The following DNAAF9 variants were observed in gnomAD, a reference collection of about 807,000 sequenced individuals.
DNAAF9 encodes dynein axonemal assembly factor 9, also known as shulin.
Under a neutral mutation model 167.0 loss-of-function variants are expected in DNAAF9, and 90 were observed. The ratio of observed to expected loss-of-function variants is 0.54; its 90% CI spans 0.45 to 0.64. The LOEUF (loss-of-function observed/expected upper bound fraction) is 0.64, where lower values mean the gene tolerates loss of function less well. DNAAF9 is among the 30% of genes least tolerant of loss of function. The pLI, the probability that DNAAF9 is intolerant of heterozygous loss-of-function variation, is 0.00. For synonymous variants in DNAAF9, 491 were observed against 508.8 expected (o/e 0.96, Z 0.47); for missense variants, 1,315 against 1,442.2 (o/e 0.91, Z 1.43).
rs770198577 is a variant in DNAAF9, at chr20:3,350,121, TCAGACACACAGACACA to T, written c.691-1514_691-1499del. On this transcript the variant is annotated intron_variant, in intron 7 of 36. Coordinates refer to ENST00000252032, the MANE Select transcript of DNAAF9 (RefSeq NM_001009984.3). The stretch of plus-strand genomic sequence containing the variant: ...CATTGTCTACTTGCTGCCCAGACTA[TCAGACACACAGACACA>T]CAGACACACAGACACACAGACACAC... Among the ~76,000 whole-genome samples the T allele has an allele frequency of 9.0e-4, 133 of 147,636 alleles. 2 individuals carry two copies. In the South Asian group the frequency reaches 0.019, roughly 21 times the overall value.
At chr20:3,399,204 C>T (rs1179417364) in intron 1 of DNAAF9, among the ~76,000 whole-genome samples, 1 of 152,108 alleles carries the variant, frequency 6.6e-6, no homozygotes, top group Non-Finnish European at 1.5e-5. Context: ...TATCCATTCT[C>T]TTTTTCTTAT....
chr20:3,311,706 C>T (rs1163414767), intron 20 of DNAAF9, among the ~76,000 whole-genome samples: 2 of 152,206 alleles, frequency 1.3e-5, no homozygotes, highest in Admixed American at 1.3e-4. Context: ...AGCAGGTCTA[C>T]ATTATGATTC....
intron 10 of DNAAF9, among the ~76,000 whole-genome samples, chr20:3,332,900 GGTGTGTGTGT>G (rs3082550): frequency 3.1e-4 from 46 of 146,936 alleles, no homozygotes; most frequent in African/African-American, 1.0e-3. Flanking sequence ...GTGTGCGTGT[GGTGTGTGTGT>G]GTGTGTGTGT....
intron 11 of DNAAF9, among the ~76,000 whole-genome samples, chr20:3,331,858 G>C (rs1477822216): frequency 6.6e-6 from 1 of 152,202 alleles, no homozygotes; most frequent in African/African-American, 2.4e-5. Context: ...ATTTTTAGTA[G>C]AGATGGGGTT....
intron 24 of DNAAF9, 118 bp from the exon 25 acceptor site, chr20:3,294,374 T>A: frequency 1.2e-6 from 1 of 830,968 alleles, no homozygotes; most frequent in Non-Finnish European, 2.0e-6. Flanking sequence ...AGATTCTCTC[T>A]AGAGAATAAA....
At chr20:3,404,318 G>T (rs899507925) in intron 1 of DNAAF9, among the ~76,000 whole-genome samples, 1 of 152,104 alleles carries the variant, frequency 6.6e-6, no homozygotes, top group Non-Finnish European at 1.5e-5. Context: ...TTACAGGCGT[G>T]AGCCACCGTG....
At chr20:3,366,188 A>G (rs1299595168) in intron 6 of DNAAF9, among the ~76,000 whole-genome samples, 1 of 152,182 alleles carries the variant, frequency 6.6e-6, no homozygotes, top group Non-Finnish European at 1.5e-5. Context: ...AGAGGAATCT[A>G]TTGCCTAACA....
rs750579280 is a variant in DNAAF9, at chr20:3,375,085, G to A, written c.450C>T (p.Ser150=). Residue 150 remains serine, a synonymous_variant, in exon 5 of 37, where the codon AGC becomes AGT. Coordinates refer to ENST00000252032, the MANE Select transcript of DNAAF9 (RefSeq NM_001009984.3). ...EEAAEEFKIT[S]FVDMVRDCSR... is the part of the protein sequence containing the mutation. ...TACAGTCTCGAACCATGTCCACAAA[G>A]CTGGTAATTTTAAATTCTTCTGCGG... The A allele has an allele frequency of 7.4e-6, 12 of 1,612,074 alleles. No homozygotes were observed. The highest frequency in any genetic ancestry group is 1.0e-5 in the Non-Finnish European group (12 of 1,178,314).
Position 3,400,243 on chromosome 20 carries a change from C to G in DNAAF9, c.83+7232G>C, listed in dbSNP as rs1197930688. ...TTTGACCATTAAAAACATGCTAAAT[C>G]TAAATGCAATGTGAAATCCTGAGTT... On this transcript the variant is annotated intron_variant, in intron 1 of 36. Coordinates refer to ENST00000252032, the MANE Select transcript of DNAAF9 (RefSeq NM_001009984.3). Among the ~76,000 whole-genome samples, 8 of 152,206 alleles carry G rather than the reference C, an allele frequency of 5.3e-5. No individual in the cohort carries two copies. The South Asian group carries it at 8.3e-4, about 16-fold the overall frequency.
At position 3,315,815 on chromosome 20, in the gene DNAAF9, T is replaced by C. The variant is rs759139312; in HGVS notation, c.1540-30A>G. On this transcript the variant is annotated intron_variant, in intron 18 of 36. Transcript: ENST00000252032. This position sits in a 1 kb window ranked among gnomAD's most constrained non-coding sequence, Gnocchi z 4.1. The stretch of plus-strand genomic sequence containing the variant: ...GTCCAAAAGGAATGCAGATTTTCAG[T>C]CAACTACTTCAAGGGAAAACCCTGC... The C allele has an allele frequency of 6.4e-7, 1 of 1,563,790 alleles. No individual in the cohort carries two copies. The highest frequency in any genetic ancestry group is 8.8e-7 in the Non-Finnish European group (1 of 1,134,048).
chr20:3,293,666 C>CAAA (rs71195830), intron 25 of DNAAF9, among the ~76,000 whole-genome samples: 30 of 85,588 alleles, frequency 3.5e-4, no homozygotes, highest in African/African-American at 1.1e-3. Flanking sequence ...GCCTGGGTGA[C>CAAA]AAAAAAAAAA....
intron 30 of DNAAF9, among the ~76,000 whole-genome samples, chr20:3,265,852 A>G (rs866717097): frequency 1.3e-5 from 2 of 151,150 alleles, no homozygotes; most frequent in African/African-American, 4.9e-5. Flanking sequence ...TAATTTTTGT[A>G]TTTTTTAAAT....
chr20:3,253,796 T>C lies in DNAAF9; in HGVS notation c.3351A>G (p.Leu1117=), dbSNP rs751041434. 7 of 1,607,938 alleles carry C rather than the reference T, an allele frequency of 4.4e-6. No individual in the cohort carries two copies. The Admixed American group carries it at 6.7e-5, about 15-fold the overall frequency. The change falls in exon 36 of 37, where the codon CTA becomes CTG. Residue 1117 remains leucine, a synonymous_variant. Transcript: ENST00000252032. ...TGCCATTATAAAAGTAGCCTGCAGGTAGGGGTTCCAAGTGGCGTTTTACCT... is the reference window on the plus strand; with the variant it reads ...TGCCATTATAAAAGTAGCCTGCAGGCAGGGGTTCCAAGTGGCGTTTTACCT... ...SIHVKRHLEP[L]PAGYFYNGTQ... is the part of the protein sequence containing the mutation.
intron 20 of DNAAF9, among the ~76,000 whole-genome samples, chr20:3,310,410 C>T (rs548462738): frequency 2.1e-5 from 3 of 141,600 alleles, no homozygotes; most frequent in Non-Finnish European, 4.7e-5. Flanking sequence ...ATAGGCCAGG[C>T]GCAGTGGGTC....
At chr20:3,334,798 G>T (rs1255917409) in intron 10 of DNAAF9, among the ~76,000 whole-genome samples, 1 of 152,180 alleles carries the variant, frequency 6.6e-6, no homozygotes, top group African/African-American at 2.4e-5. Context: ...TTCCTAGCTG[G>T]CTCTCAAGTC....
intron 6 of DNAAF9, among the ~76,000 whole-genome samples, chr20:3,366,006 T>C (rs1376260321): frequency 6.6e-6 from 1 of 152,206 alleles, no homozygotes; most frequent in African/African-American, 2.4e-5. Flanking sequence ...CTCCCTCCAC[T>C]GAAGTCTTGA....
At chr20:3,394,125 A>T (rs879572824) in intron 1 of DNAAF9, among the ~76,000 whole-genome samples, 29 of 152,148 alleles carry the variant, frequency 1.9e-4, no homozygotes, top group Middle Eastern at 6.8e-3. Flanking sequence ...ATCATCTGAG[A>T]CCAGACGTTC....
intron 10 of DNAAF9, 122 bp from the exon 11 acceptor site, chr20:3,332,483 T>G: frequency 1.8e-6 from 1 of 544,902 alleles, no homozygotes; most frequent in Non-Finnish European, 3.3e-6. Context: ...AGACAGAGTC[T>G]TACTCTGTCA....
At chr20:3,273,099 G>A (rs897414169) in intron 29 of DNAAF9, among the ~76,000 whole-genome samples, 3 of 152,154 alleles carry the variant, frequency 2.0e-5, no homozygotes, top group Admixed American at 1.3e-4. Flanking sequence ...CCAAAGTGCC[G>A]TGATTACAGA....
Sources: allele counts gnomAD v4.1 joint callset (sites outside exome capture counted in the v4.1 genomes callset), GRCh38; gene constraint gnomAD v4.1.1; non-coding constraint Gnocchi (gnomAD v3.1); transcripts MANE v1.5; gene names NCBI Gene and HGNC (gene_info 2026-07-23, HGNC 2026-07-21).